ZNF564: variants seen among roughly 807,000 people sequenced by gnomAD.
The protein encoded by ZNF564 is zinc finger protein 564.
A neutral mutation model predicts 10.5 loss-of-function variants in ZNF564; 5 were observed. The observed-to-expected ratio is 0.48, with a 90% CI of 0.25 to 1.00. ZNF564 has a LOEUF of 1.00. ZNF564 is among the 50% of genes least tolerant of loss of function. The pLI is 0.16. For missense variants in ZNF564, 603 were observed against 669.7 expected (o/e 0.90, Z 1.10); for synonymous variants, 242 against 218.1 (o/e 1.11, Z -0.97).
chr19:12,550,959 G>A (rs1285674736), intron 1 of ZNF564, among the ~76,000 whole-genome samples: 1 of 152,218 alleles, frequency 6.6e-6, no homozygotes, highest in African/African-American at 2.4e-5. Flanking sequence ...CGATGTACTG[G>A]GAAGGCCACA....
At chr19:12,538,550 A>G (rs8106803) in intron 1 of ZNF564, among the ~76,000 whole-genome samples, 105,901 of 151,916 alleles carry the variant, frequency 0.7, 37,243 homozygotes, top group African/African-American at 0.74. Flanking sequence ...GCTTGAACCC[A>G]GGAGGCGGAG....
intron 1 of ZNF564, among the ~76,000 whole-genome samples, chr19:12,537,207 A>G (rs1037280494): frequency 6.6e-6 from 1 of 152,178 alleles, no homozygotes; most frequent in Non-Finnish European, 1.5e-5. Flanking sequence ...CTATCATCCA[A>G]TGATGTATTA....
chr19:12,550,882 G>A (rs531950428), intron 1 of ZNF564, among the ~76,000 whole-genome samples: 6 of 152,290 alleles, frequency 3.9e-5, no homozygotes, highest in African/African-American at 7.2e-5. Context: ...GGGAGTCGTA[G>A]GTTTGAGATT....
chr19:12,542,917 A>G (rs1316954787), intron 1 of ZNF564, among the ~76,000 whole-genome samples: 6 of 151,214 alleles, frequency 4.0e-5, no homozygotes, highest in Non-Finnish European at 8.9e-5. Context: ...CAGGAGAATC[A>G]ATTGAATCCC....
rs1480540416 is a variant in ZNF564 at position 12,528,685 on chromosome 19, G to A, written c.15C>T (p.Ala5=). 1 of 1,612,272 alleles carries A rather than the reference G, an allele frequency of 6.2e-7. No individual in the cohort carries two copies. The highest frequency in any genetic ancestry group is 1.1e-5 in the South Asian group (1 of 90,830). The part of the protein sequence containing the change: MDSV[A]SEDVAVNFTL... Reference sequence around the variant, plus strand: ...TGAAGTTCACAGCCACATCCTCAGAGGCCACTGAGTCCTAAAACATCCCAA... The same window carrying A: ...TGAAGTTCACAGCCACATCCTCAGAAGCCACTGAGTCCTAAAACATCCCAA... The change falls in exon 2 of 4, where the codon GCC becomes GCT. Residue 5 remains alanine, a synonymous_variant. Coordinates refer to ENST00000339282, the MANE Select transcript of ZNF564 (RefSeq NM_144976.4).
Position 12,527,494 on chromosome 19 carries a change from G to C in ZNF564, c.614C>G (p.Ala205Gly), listed in dbSNP as rs777683101. Residue 205 changes from alanine to glycine, a missense_variant, in exon 4 of 4, where the codon GCC becomes GGC. Coordinates refer to ENST00000339282, the MANE Select transcript of ZNF564 (RefSeq NM_144976.4). ...CTGAAATAAACTTGGGCGATCAAAG[G>C]CTTTCCCACATTCCTGACATTTATA... ...GPYKCQECGK[A>G]FDRPSLFQIH... The C allele has an allele frequency of 6.1e-5, 99 of 1,613,926 alleles. No homozygotes were observed. The Admixed American group carries it at 1.6e-3, about 26-fold the overall frequency.
intron 1 of ZNF564, among the ~76,000 whole-genome samples, chr19:12,545,049 AGGAGTTTG>A (rs2022123852): frequency 1.3e-5 from 2 of 152,118 alleles, no homozygotes; most frequent in Non-Finnish European, 2.9e-5. Context: ...ACCTGAGGTC[AGGAGTTTG>A]AGACCAGCCT....
At chr19:12,548,196 G>T (rs2145098423) in intron 1 of ZNF564, 1 of 969,654 alleles carries the variant, frequency 1.0e-6, no homozygotes, top group East Asian at 1.2e-4. Flanking sequence ...AGGAGGAAAG[G>T]AAACTGTAAG....
intron 1 of ZNF564, among the ~76,000 whole-genome samples, chr19:12,536,327 TCAC>T (rs1218392326): frequency 6.6e-6 from 1 of 152,072 alleles, no homozygotes; most frequent in Non-Finnish European, 1.5e-5. Context: ...CAGGTACATG[TCAC>T]CATGCTCAGG....
At chr19:12,551,074 G>A (rs2022249002) in intron 1 of ZNF564, among the ~76,000 whole-genome samples, 1 of 152,234 alleles carries the variant, frequency 6.6e-6, no homozygotes, top group Admixed American at 6.5e-5. Flanking sequence ...CGGGGCTGCG[G>A]GCGCGGAGCT....
Position 12,540,773 on chromosome 19 carries a change from G to C in ZNF564, c.3+10557C>G, listed in dbSNP as rs552206882. ...GGAGGCTGAGGCAGAAGAATGGTGT[G>C]AACTCGGGAGGCAGAGCTTGCAGTG... On this transcript the variant is annotated intron_variant, in intron 1 of 3. Transcript: ENST00000339282. Among the ~76,000 whole-genome samples the C allele has an allele frequency of 1.7e-4, 26 of 152,112 alleles. 1 individual carries two copies. The highest frequency in any genetic ancestry group is 6.8e-3 in the Middle Eastern group (2 of 294).
At chr19:12,528,832 G>A (rs1167209510) in intron 1 of ZNF564, 136 bp from the exon 2 acceptor site, 4 of 938,748 alleles carry the variant, frequency 4.3e-6, no homozygotes, top group Non-Finnish European at 6.2e-6. Flanking sequence ...GGGAGGCCAA[G>A]GCATACAGAT....
chr19:12,527,861 C>A lies in ZNF564; in HGVS notation c.247G>T (p.Ala83Ser). ...TTAAGATTGAGAATCTGACTGAAGG[C>A]TTCTCCACATTGATCATATTCTTTA... ...ESKEYDQCGE[A>S]FSQILNLNLN... Residue 83 changes from alanine to serine, a missense_variant, in exon 4 of 4, where the codon GCC (alanine) becomes TCC (serine). Physicochemically the swap from Ala to Ser is moderately conservative, Grantham distance 99. Transcript: ENST00000339282. The A allele has an allele frequency of 6.2e-7, 1 of 1,613,728 alleles. No individual in the cohort carries two copies. Among genetic ancestry groups the A allele is most frequent in the Middle Eastern group, 1.7e-4 (1 of 6,060 alleles).
rs1012538977 is a variant in ZNF564 at position 12,551,480 on chromosome 19, G to C, written c.-148C>G. 12 of 1,402,936 alleles carry C rather than the reference G, an allele frequency of 8.6e-6. No individual in the cohort carries two copies. The highest frequency in any genetic ancestry group is 1.1e-5 in the Non-Finnish European group (12 of 1,083,616). The allele number at this position is 1,402,936 out of a possible 1,614,324, so 86.9% of individuals were successfully genotyped here. On this transcript the variant is annotated 5_prime_UTR_variant, in exon 1 of 4. Coordinates refer to ENST00000339282, the MANE Select transcript of ZNF564 (RefSeq NM_144976.4). ...AAACGCAGCGGACACGAAACAGGAA[G>C]ACCCCGCGGAGTTGTTGAACATTGC...
At chr19:12,546,480 G>A (rs1214910897) in intron 1 of ZNF564, among the ~76,000 whole-genome samples, 1 of 152,160 alleles carries the variant, frequency 6.6e-6, no homozygotes, top group African/African-American at 2.4e-5. Context: ...TGTAATCCCA[G>A]CACTCTGGGA....
Position 12,528,348 on chromosome 19 carries a change from G to A in ZNF564, c.147C>T (p.Asp49=). 1 of 1,608,338 alleles carries A rather than the reference G, an allele frequency of 6.2e-7. No homozygotes were observed. The highest frequency in any genetic ancestry group is 8.5e-7 in the Non-Finnish European group (1 of 1,178,738). Reference sequence around the variant, plus strand: ...TTTTGTACCAATCTTCAATGCTCTGGTCTTCCCATTTTTTTCCTAAAATAT... The same window carrying A: ...TTTTGTACCAATCTTCAATGCTCTGATCTTCCCATTTTTTTCCTAAAATAT... ...NLACVGKKWE[D]QSIEDWYKNQ... is the part of the protein sequence containing the mutation. The change falls in exon 3 of 4, where the codon GAC becomes GAT. Residue 49 remains aspartate, a synonymous_variant. Transcript: ENST00000339282.
rs192606079 is a variant in ZNF564, at chr19:12,542,550, G to C, written c.3+8780C>G. Reference sequence around the variant, plus strand: ...GCAGGAGGATCGCTTGAACCCAAGAGTTGTAGGCTGCAGTGAGCTATGATC... The same window carrying C: ...GCAGGAGGATCGCTTGAACCCAAGACTTGTAGGCTGCAGTGAGCTATGATC... On this transcript the variant is annotated intron_variant, in intron 1 of 3. Transcript: ENST00000339282. Among the ~76,000 whole-genome samples the C allele has an allele frequency of 1.1e-3, 164 of 151,828 alleles. 1 individual carries two copies. The highest frequency in any genetic ancestry group is 3.8e-3 in the African/African-American group (157 of 41,376).
rs182059847 is a variant in ZNF564, at chr19:12,548,855, T to C, written c.3+2475A>G. 2.6e-5 allele frequency: 18 copies of C among 702,838 alleles called. No homozygotes were observed. The East Asian group carries it at 4.6e-4, about 18-fold the overall frequency. The allele number at this position is 702,838 out of a possible 1,614,324, so 43.5% of individuals were successfully genotyped here. On this transcript the variant is annotated intron_variant, in intron 1 of 3. Transcript: ENST00000339282. The stretch of plus-strand genomic sequence containing the variant: ...AGAACAGTTATCCATTACGACAAAA[T>C]CTCTACCCTGCAAAGGAGAAGATAT...
At chr19:12,547,748 A>T (rs1222262655) in intron 1 of ZNF564, among the ~76,000 whole-genome samples, 1 of 151,634 alleles carries the variant, frequency 6.6e-6, no homozygotes, top group Non-Finnish European at 1.5e-5. Flanking sequence ...CTTAGTTGGG[A>T]GTCACTCTGA....
Sources: gnomAD v4.1 joint callset for allele counts (sites outside exome capture counted in the v4.1 genomes callset) on GRCh38, gnomAD v4.1.1 for gene constraint, MANE v1.5 for transcripts, NCBI Gene and HGNC (gene_info 2026-07-23, HGNC 2026-07-21) for gene names.